The following DOCK9 variants were observed in gnomAD, a reference collection of about 807,000 sequenced individuals.
The protein encoded by DOCK9 is dedicator of cytokinesis 9, also known as dedicator of cytokinesis protein 9.
In DOCK9, 89 loss-of-function variants were observed where a neutral mutation model predicts 263.3. The observed-to-expected ratio is 0.34, with a 90% CI of 0.28 to 0.40. The LOEUF is 0.40. Among genes scored for constraint, DOCK9 ranks in the 10% least tolerant of loss-of-function variants. The pLI is 1.00. For missense variants in DOCK9, 2,140 were observed against 2,603.4 expected (o/e 0.82, Z 3.87); for synonymous variants, 976 against 973.1 (o/e 1.00, Z -0.06).
intron 50 of DOCK9, among the ~76,000 whole-genome samples, chr13:98,799,515 T>A (rs2089852533): frequency 6.6e-6 from 1 of 152,190 alleles, no homozygotes; most frequent in Admixed American, 6.5e-5. Context: ...TACTAAAGTA[T>A]AATATACAAA....
intron 1 of DOCK9, among the ~76,000 whole-genome samples, chr13:99,033,610 A>G: frequency 6.6e-6 from 1 of 152,214 alleles, no homozygotes; most frequent in South Asian, 2.1e-4. Flanking sequence ...GTCTAAAGGG[A>G]TGGCACAGAG....
intron 1 of DOCK9, among the ~76,000 whole-genome samples, chr13:99,037,316 GAACA>G (rs1418949968): frequency 2.0e-5 from 3 of 151,570 alleles, no homozygotes; most frequent in Admixed American, 6.6e-5. Context: ...AAAAAGATTG[GAACA>G]AACATTTCGC....
In DOCK9 at chr13:98,927,636, T is replaced by A. The variant is rs2140219969; in HGVS notation, c.334-1717A>T. 1.3e-5 allele frequency among the ~76,000 whole-genome samples: 2 copies of A among 152,188 alleles called. 1 individual carries two copies. The highest frequency in any genetic ancestry group is 4.1e-4 in the South Asian group (2 of 4,824). ...ATTTTTATTTATTTATTTATTTTTT[T>A]TTAAGACGGAATCTTGCTCTGTTAC... On this transcript the variant is annotated intron_variant, in intron 3 of 52. Transcript: ENST00000682017.
At chr13:98,911,330 C>T (rs1436899950) in intron 9 of DOCK9, among the ~76,000 whole-genome samples, 1 of 152,160 alleles carries the variant, frequency 6.6e-6, no homozygotes, top group African/African-American at 2.4e-5. Context: ...ATTCCCAACA[C>T]AAAGATAAAT....
rs1233268084 is a variant in DOCK9, at chr13:99,008,234, A to ATATT, written c.130-52684_130-52683insAATA. Among the ~76,000 whole-genome samples the ATATT allele has an allele frequency of 7.5e-3, 702 of 93,806 alleles. 6 individuals are homozygous for ATATT. The highest frequency in any genetic ancestry group is 0.017 in the East Asian group (42 of 2,494). The allele number at this position is 93,806 out of a possible 152,430, so 61.5% of individuals were successfully genotyped here. On this transcript the variant is annotated intron_variant, in intron 1 of 32. Transcript: ENST00000427887. The stretch of plus-strand genomic sequence containing the variant: ...TCTCTATATATATATATATATATAT[A>ATATT]TTTTTTTTTTTTTTTGAGACGAAGT...
At chr13:98,855,751 A>T in intron 34 of DOCK9, 147 bp downstream of exon 34, 1 of 843,422 alleles carries the variant, frequency 1.2e-6, no homozygotes, top group Non-Finnish European at 1.9e-6. Context: ...CCAACCTTAA[A>T]GCTCTCATCA....
chr13:98,805,324 A>G (rs1201665232), intron 48 of DOCK9, 115 bp from the exon 49 acceptor site: 1 of 921,444 alleles, frequency 1.1e-6, no homozygotes, highest in African/African-American at 1.6e-5. Context: ...AGAAGAGTAC[A>G]ACAAACATCC....
At chr13:98,941,436 G>C (rs1025324192) in intron 2 of DOCK9, among the ~76,000 whole-genome samples, 1 of 152,186 alleles carries the variant, frequency 6.6e-6, no homozygotes, top group Admixed American at 6.5e-5. Context: ...AGAGTCATAT[G>C]AATTTCATTC....
At chr13:98,853,587 C>G (rs764134011) in intron 34 of DOCK9, 65 bp from the exon 35 acceptor site, 24 of 1,165,922 alleles carry the variant, frequency 2.1e-5, no homozygotes, top group Non-Finnish European at 2.8e-5. Flanking sequence ...TCCCTTTTCT[C>G]CCTTGGAAGA....
At chr13:98,933,942 G>A (rs1321897217) in intron 2 of DOCK9, among the ~76,000 whole-genome samples, 1 of 152,048 alleles carries the variant, frequency 6.6e-6, no homozygotes, top group Non-Finnish European at 1.5e-5. Flanking sequence ...CAGTCACCCA[G>A]GATGGAGTGC....
chr13:98,805,552 T>C (rs577582982), intron 48 of DOCK9, among the ~76,000 whole-genome samples: 5 of 152,288 alleles, frequency 3.3e-5, no homozygotes, highest in South Asian at 2.1e-4. Flanking sequence ...TACATTATCA[T>C]GCCTACCCAA....
chr13:98,988,431 C>G (rs184008717), intron 1 of DOCK9, among the ~76,000 whole-genome samples: 1 of 152,178 alleles, frequency 6.6e-6, no homozygotes, highest in Admixed American at 6.5e-5. Context: ...TCTGGTCCTC[C>G]GTCCACCCTG....
chr13:98,879,183 GC>G (rs2044341290), intron 27 of DOCK9, among the ~76,000 whole-genome samples: 1 of 152,146 alleles, frequency 6.6e-6, no homozygotes, highest in South Asian at 2.1e-4. Context: ...GCCTCAGAGA[GC>G]CTGAGGTGGC....
chr13:98,807,631 G>T, intron 48 of DOCK9, 30 bp downstream of exon 48: 1 of 1,564,376 alleles, frequency 6.4e-7, no homozygotes, highest in Non-Finnish European at 8.7e-7. Flanking sequence ...ACATTACATT[G>T]CTATGAAACT....
chr13:99,000,799 T>C (rs895280553), intron 1 of DOCK9, among the ~76,000 whole-genome samples: 1 of 152,178 alleles, frequency 6.6e-6, no homozygotes, highest in African/African-American at 2.4e-5. Context: ...CTATTAGCTA[T>C]TTTTACCATA....
At chr13:98,808,739 A>C in intron 47 of DOCK9, 1 of 1,028,912 alleles carries the variant, frequency 9.7e-7, no homozygotes, top group Non-Finnish European at 1.5e-6. Context: ...ATAGAAAACC[A>C]CACGCCCTAA....
chr13:98,950,185 A>C, intron 2 of DOCK9: 2 of 950,826 alleles, frequency 2.1e-6, no homozygotes, highest in Non-Finnish European at 3.1e-6. Context: ...GCGTAAAACA[A>C]AGGCCAAGGA....
At chr13:98,803,118 C>G (rs1338090328) in intron 49 of DOCK9, among the ~76,000 whole-genome samples, 1 of 152,156 alleles carries the variant, frequency 6.6e-6, no homozygotes, top group Non-Finnish European at 1.5e-5. Context: ...CTTAGGCTGT[C>G]TCAACCCACA....
At chr13:98,796,989 G>A in intron 52 of DOCK9, 126 bp downstream of exon 52, 1 of 974,002 alleles carries the variant, frequency 1.0e-6, no homozygotes, top group Non-Finnish European at 1.6e-6. Context: ...GCAGGAGTGT[G>A]GTATGCTACA....
Sources: allele counts gnomAD v4.1 joint callset (sites outside exome capture counted in the v4.1 genomes callset), GRCh38; gene constraint gnomAD v4.1.1; transcripts MANE v1.5; gene names NCBI Gene and HGNC (gene_info 2026-07-23, HGNC 2026-07-21).